IFITM10: variants seen among roughly 807,000 people sequenced by gnomAD.
IFITM10 encodes interferon induced transmembrane protein 10.
A neutral mutation model predicts 19.0 loss-of-function variants in IFITM10; 17 were observed. The ratio of observed to expected loss-of-function variants is 0.90; its 90% confidence interval spans 0.61 to 1.34. The LOEUF is 1.34. Ranked by LOEUF, IFITM10 falls within the 40% of genes most tolerant of loss-of-function variation. IFITM10 has a pLI of 0.00. For missense variants in IFITM10, 306 were observed against 319.8 expected (o/e 0.96, Z 0.33); for synonymous variants, 148 against 147.2 (o/e 1.01, Z -0.04).
intron 2 of IFITM10, among the ~76,000 whole-genome samples, chr11:1,735,917 G>A (rs975218502): frequency 1.3e-5 from 2 of 152,182 alleles, no homozygotes; most frequent in Non-Finnish European, 2.9e-5. Flanking sequence ...GAGGATGAGC[G>A]TTGTGCATTG....
At chr11:1,739,138 C>T (rs1247863265) in intron 2 of IFITM10, among the ~76,000 whole-genome samples, 5 of 147,546 alleles carry the variant, frequency 3.4e-5, no homozygotes, top group Admixed American at 6.8e-5. Flanking sequence ...AATATAGGAA[C>T]GGATGCCAGA....
chr11:1,738,513 T>C (rs748984321), intron 2 of IFITM10, among the ~76,000 whole-genome samples: 1 of 152,208 alleles, frequency 6.6e-6, no homozygotes, highest in Non-Finnish European at 1.5e-5. Context: ...TGCAAGTGTA[T>C]GCCACATGGG....
chr11:1,747,857 A>C lies in IFITM10; in HGVS notation c.347T>G (p.Val116Gly). ...MESKSSKTDS[V>G]RAAGAPPACK... ...GGCAGGGGGCGCGCCGGCAGCCCGC[A>C]CGCTGTCGGTCTTGCTGCTCTTGGA... Residue 116 changes from valine (V) to glycine (G), a missense_variant, in exon 2 of 3, where the codon GTG becomes GGG. Physicochemically the swap from Val to Gly is moderately radical, Grantham distance 109 (BLOSUM62 -3). Coordinates refer to ENST00000340134, the MANE Select transcript of IFITM10 (RefSeq NM_001170820.4). 2 of 1,540,486 alleles carry C rather than the reference A, an allele frequency of 1.3e-6. No individual in the cohort carries two copies. Among genetic ancestry groups the C allele is most frequent in the Non-Finnish European group, 1.8e-6 (2 of 1,140,724 alleles).
At chr11:1,746,877 G>A (rs1041780727) in intron 2 of IFITM10, 59 of 398,044 alleles carry the variant, frequency 1.5e-4, no homozygotes, top group Non-Finnish European at 2.3e-4. Flanking sequence ...GGAGGGCACC[G>A]GGGCCTGCCC....
chr11:1,746,419 TCA>T (rs1260801290), intron 2 of IFITM10: 3 of 396,248 alleles, frequency 7.6e-6, no homozygotes, highest in East Asian at 3.6e-5. Context: ...ATAGTTACAC[TCA>T]CAGTACATGC....
Position 1,735,067 on chromosome 11 carries a change from C to A in IFITM10, c.*213G>T. On this transcript the variant is annotated 3_prime_UTR_variant, in exon 3 of 3. Transcript: ENST00000340134. ...GCCCCAGACACAGGCAGGGTGGAGG[C>A]CAGGAGGCGGAGGGGGTGGACTGAG... 1 of 565,630 alleles carries A rather than the reference C, an allele frequency of 1.8e-6. No individual in the cohort carries two copies. Among genetic ancestry groups the A allele is most frequent in the Non-Finnish European group, 3.1e-6 (1 of 321,420 alleles). 35.0% of individuals were successfully genotyped at this position (565,630 alleles called of 1,614,324 possible). A position where few individuals can be genotyped will look rare whatever the true frequency, so the allele number is the denominator to read the frequency against.
chr11:1,739,011 G>A (rs1010574124), intron 2 of IFITM10, among the ~76,000 whole-genome samples: 21 of 129,838 alleles, frequency 1.6e-4, no homozygotes, highest in African/African-American at 5.8e-4. Context: ...CTGAGATCGT[G>A]CCACTGCACT....
chr11:1,736,417 C>T (rs1342567165), intron 2 of IFITM10, among the ~76,000 whole-genome samples: 1 of 151,932 alleles, frequency 6.6e-6, no homozygotes, highest in Non-Finnish European at 1.5e-5. Flanking sequence ...ATGGATTGGC[C>T]TGTGGGTGGA....
At chr11:1,744,146 C>A (rs1307743284) in intron 2 of IFITM10, among the ~76,000 whole-genome samples, 1 of 152,244 alleles carries the variant, frequency 6.6e-6, no homozygotes, top group East Asian at 1.9e-4. Context: ...ATGAAGTATT[C>A]CTTTTCTGAA....
intron 2 of IFITM10, 67 bp from the exon 3 acceptor site, chr11:1,735,496 G>A (rs1851077375): frequency 7.0e-7 from 1 of 1,434,126 alleles, no homozygotes; most frequent in Non-Finnish European, 9.5e-7. Flanking sequence ...GCATCCAGGA[G>A]CCCAGCAGAG....
At chr11:1,735,585 T>C (rs944284966) in intron 2 of IFITM10, among the ~76,000 whole-genome samples, 156 bp from the exon 3 acceptor site, 2 of 152,210 alleles carry the variant, frequency 1.3e-5, no homozygotes, top group Admixed American at 1.3e-4. Flanking sequence ...TAGAGGAACA[T>C]GTCTCTGCCC....
At chr11:1,749,259 A>AGCCACCTCCACT (rs1845690342) in intron 1 of IFITM10, 1 of 220,136 alleles carries the variant, frequency 4.5e-6, no homozygotes, top group Admixed American at 6.5e-5. Flanking sequence ...CAGCGGGCAC[A>AGCCACCTCCACT]GCCACCTCCC....
chr11:1,744,628 G>A (rs1394192774), intron 2 of IFITM10: 4 of 146,116 alleles, frequency 2.7e-5, no homozygotes, highest in African/African-American at 1.0e-4. Flanking sequence ...AGCCGAATTG[G>A]CCCATGTGGG....
Position 1,735,164 on chromosome 11 carries a change from GC to G in IFITM10, c.*115del. 1 of 1,164,170 alleles carries G rather than the reference GC, an allele frequency of 8.6e-7. No individual in the cohort carries two copies. Among genetic ancestry groups the G allele is most frequent in the Non-Finnish European group, 1.2e-6 (1 of 833,566 alleles). The allele number at this position is 1,164,170 out of a possible 1,614,324, so 72.1% of individuals were successfully genotyped here. ...GCTGCCCAGTTCACAGCTCAAGGGG[GC>G]CCCAGGACAAGAAGCCCTGCCCTGC... On this transcript the variant is annotated 3_prime_UTR_variant, in exon 3 of 3. Coordinates refer to ENST00000340134, the MANE Select transcript of IFITM10 (RefSeq NM_001170820.4).
rs185894351 is a variant in IFITM10, at chr11:1,742,158, T to A, written c.537+5509A>T. 2.3e-4 allele frequency among the ~76,000 whole-genome samples: 35 copies of A among 152,254 alleles called. No homozygotes were observed. In the East Asian group the frequency reaches 6.4e-3, roughly 28 times the overall value. On this transcript the variant is annotated intron_variant, in intron 2 of 2. Coordinates refer to ENST00000340134, the MANE Select transcript of IFITM10 (RefSeq NM_001170820.4). ...GCCAAGGAAGGAAAGATGGGATGGATGTGCCTGGAAGGTCAGATGGTCAAC... is the reference window on the plus strand; with the variant it reads ...GCCAAGGAAGGAAAGATGGGATGGAAGTGCCTGGAAGGTCAGATGGTCAAC...
intron 1 of IFITM10, chr11:1,749,133 G>GGGGTGGGGAGC: frequency 1.0e-6 from 1 of 1,004,176 alleles, no homozygotes; most frequent in Non-Finnish European, 1.2e-6. Flanking sequence ...CAACCTTGAG[G>GGGGTGGGGAGC]GGGTGGGGAG....
intron 2 of IFITM10, chr11:1,746,837 GC>G (rs1372769556): frequency 5.0e-6 from 2 of 398,536 alleles, no homozygotes; most frequent in Non-Finnish European, 8.8e-6. Context: ...CGTGAGCCAA[GC>G]CCTTCCTTCC....
intron 2 of IFITM10, among the ~76,000 whole-genome samples, chr11:1,742,497 G>A (rs747512659): frequency 1.3e-5 from 2 of 152,188 alleles, no homozygotes; most frequent in Non-Finnish European, 2.9e-5. Flanking sequence ...GGCACGCTGA[G>A]TATGAAGGAG....
chr11:1,737,363 A>G (rs1400174071), intron 2 of IFITM10, among the ~76,000 whole-genome samples: 1 of 152,210 alleles, frequency 6.6e-6, no homozygotes, highest in Non-Finnish European at 1.5e-5. Context: ...TAGTATTTCT[A>G]TTTCCTCCTT....
Sources: gnomAD v4.1 joint callset for allele counts (sites outside exome capture counted in the v4.1 genomes callset) on GRCh38, gnomAD v4.1.1 for gene constraint, MANE v1.5 for transcripts, NCBI Gene and HGNC (gene_info 2026-07-23, HGNC 2026-07-21) for gene names.